Variants in LGR6 observed in about 807,000 individuals in gnomAD.
LGR6 encodes leucine rich repeat containing G protein-coupled receptor 6, also known as leucine-rich repeat-containing G protein-coupled receptor 6.
A neutral mutation model predicts 69.4 loss-of-function variants in LGR6; 45 were observed. The ratio of observed to expected loss-of-function variants is 0.65; its 90% CI spans 0.51 to 0.83. LGR6 has a LOEUF of 0.83. LGR6 is among the 40% of genes least tolerant of loss of function. LGR6 has a pLI of 0.00. For synonymous variants in LGR6, 538 were observed against 555.0 expected (o/e 0.97, Z 0.43); for missense variants, 1,108 against 1,246.7 (o/e 0.89, Z 1.68).
intron 4 of LGR6, among the ~76,000 whole-genome samples, chr1:202,267,176 TG>T (rs1664736350): frequency 6.6e-6 from 1 of 152,224 alleles, no homozygotes; most frequent in Non-Finnish European, 1.5e-5. Context: ...AAAGCTCTAT[TG>T]AACAGTGTTG....
At chr1:202,258,550 A>G (rs2148092031) in intron 4 of LGR6, among the ~76,000 whole-genome samples, 1 of 151,658 alleles carries the variant, frequency 6.6e-6, no homozygotes, top group African/African-American at 2.4e-5. Flanking sequence ...ACTCCATGAT[A>G]TTTATTGGGT....
intron 4 of LGR6, among the ~76,000 whole-genome samples, chr1:202,258,643 G>A (rs1663979342): frequency 6.6e-6 from 1 of 150,770 alleles, no homozygotes. Flanking sequence ...ATTTATTGTT[G>A]GAATTTAGGA....
chr1:202,281,142 T>G, intron 6 of LGR6: 1 of 362,442 alleles, frequency 2.8e-6, no homozygotes, highest in Non-Finnish European at 5.0e-6. Context: ...ATAATGAAAA[T>G]TCTGGACAGA....
At chr1:202,287,055 G>A (rs964272622) in intron 6 of LGR6, among the ~76,000 whole-genome samples, 1 of 152,160 alleles carries the variant, frequency 6.6e-6, no homozygotes, top group Admixed American at 6.5e-5. Context: ...GGGGTGGGAA[G>A]CTTGGCCCAC....
chr1:202,211,442 C>T (rs1242661741), intron 1 of LGR6, among the ~76,000 whole-genome samples: 1 of 152,156 alleles, frequency 6.6e-6, no homozygotes, highest in Non-Finnish European at 1.5e-5. Context: ...CAACCTCTGC[C>T]TCCCAGCCCC....
At chr1:202,233,110 CG>C (rs1418525435) in intron 3 of LGR6, among the ~76,000 whole-genome samples, 1 of 151,992 alleles carries the variant, frequency 6.6e-6, no homozygotes, top group Non-Finnish European at 1.5e-5. Context: ...TGAGTTGTCT[CG>C]GGGAGACAAT....
intron 1 of LGR6, among the ~76,000 whole-genome samples, chr1:202,220,379 C>A (rs189567326): frequency 6.6e-6 from 1 of 151,672 alleles, no homozygotes; most frequent in African/African-American, 2.4e-5. Context: ...TCACCAGGCC[C>A]GGCTAATTTT....
intron 4 of LGR6, among the ~76,000 whole-genome samples, chr1:202,237,987 A>C (rs1302942675): frequency 6.6e-6 from 1 of 151,862 alleles, no homozygotes; most frequent in African/African-American, 2.4e-5. Flanking sequence ...GATTTGCAAA[A>C]AAAAAAAAAA....
chr1:202,203,366 C>A (rs546712208), intron 1 of LGR6, among the ~76,000 whole-genome samples: 1 of 152,140 alleles, frequency 6.6e-6, no homozygotes, highest in East Asian at 1.9e-4. Context: ...TTCCTTTGCA[C>A]GAAGAAGAAC....
At chr1:202,226,654 T>C (rs1019541461) in intron 2 of LGR6, among the ~76,000 whole-genome samples, 1 of 152,102 alleles carries the variant, frequency 6.6e-6, no homozygotes, top group Admixed American at 6.5e-5. Context: ...GAAAACAAGA[T>C]AAAAGCCTTC....
In LGR6 at chr1:202,193,941, C is replaced by A. The variant is rs1456916961; in HGVS notation, c.-49C>A. On this transcript the variant is annotated 5_prime_UTR_variant, in exon 1 of 18. Transcript: ENST00000367278. ...GAGGAAGCAGCTGCGGCCATCGCGC[C>A]GTGCGTCCGCGCCCGGCCGCCAGGT... 1 of 1,187,130 alleles carries A rather than the reference C, an allele frequency of 8.4e-7. No homozygotes were observed. The highest frequency in any genetic ancestry group is 2.3e-5 in the South Asian group (1 of 43,032). The allele number at this position is 1,187,130 out of a possible 1,614,324, so 73.5% of individuals were successfully genotyped here. A position where few individuals can be genotyped will look rare whatever the true frequency, so the allele number is the denominator to read the frequency against.
intron 4 of LGR6, among the ~76,000 whole-genome samples, chr1:202,251,591 C>T (rs1663251172): frequency 6.6e-6 from 1 of 152,222 alleles, no homozygotes; most frequent in African/African-American, 2.4e-5. Flanking sequence ...CTCCCCCAGC[C>T]ATTTCCCCTT....
At chr1:202,228,620 A>G (rs1660756831) in intron 3 of LGR6, among the ~76,000 whole-genome samples, 1 of 152,138 alleles carries the variant, frequency 6.6e-6, no homozygotes, top group Admixed American at 6.5e-5. Context: ...GGCCCATTTC[A>G]GAGAAAGGAA....
At chr1:202,263,435 TTTTG>T (rs993549806) in intron 4 of LGR6, among the ~76,000 whole-genome samples, 2 of 152,124 alleles carry the variant, frequency 1.3e-5, no homozygotes, top group Non-Finnish European at 2.9e-5. Context: ...GCATACATCT[TTTTG>T]TTTGTTTGTT....
intron 3 of LGR6, among the ~76,000 whole-genome samples, chr1:202,232,130 C>T (rs1443931571): frequency 1.3e-5 from 2 of 151,660 alleles, no homozygotes; most frequent in Non-Finnish European, 2.9e-5. Flanking sequence ...TTTGTGCAGA[C>T]CTCCCAATAC....
intron 1 of LGR6, chr1:202,214,206 C>A (rs921670113): frequency 1.3e-6 from 2 of 1,539,064 alleles, no homozygotes; most frequent in East Asian, 2.6e-5. Context: ...GAACCTCTCC[C>A]GGGCTGGGAG....
intron 6 of LGR6, among the ~76,000 whole-genome samples, chr1:202,286,325 T>C (rs1347576047): frequency 6.6e-6 from 1 of 152,190 alleles, no homozygotes; most frequent in East Asian, 1.9e-4. Context: ...TATCTCAAGG[T>C]AAGTGCTGAT....
Position 202,218,368 on chromosome 1 carries a change from A to C in LGR6, c.213-7055A>C, listed in dbSNP as rs901326873. On this transcript the variant is annotated intron_variant, in intron 1 of 17. Coordinates refer to ENST00000367278, the MANE Select transcript of LGR6 (RefSeq NM_001017403.2). ...GCCTGGAGTGTAGTGGTACTACCCT[A>C]GCTCACTGCAGCTTCAAACTCCCAA... Among the ~76,000 whole-genome samples the C allele has an allele frequency of 7.2e-5, 11 of 152,302 alleles. No individual in the cohort carries two copies. The South Asian group carries it at 2.3e-3, about 32-fold the overall frequency.
At chr1:202,198,408 G>A (rs529506289) in intron 1 of LGR6, among the ~76,000 whole-genome samples, 3 of 152,328 alleles carry the variant, frequency 2.0e-5, no homozygotes, top group Non-Finnish European at 2.9e-5. Flanking sequence ...GTTTGCAAAG[G>A]GTTTGGCATA....
Sources: allele counts gnomAD v4.1 joint callset (sites outside exome capture counted in the v4.1 genomes callset), GRCh38; gene constraint gnomAD v4.1.1; transcripts MANE v1.5; gene names NCBI Gene and HGNC (gene_info 2026-07-23, HGNC 2026-07-21).